The following ENPP2 variants were observed in gnomAD, a reference collection of about 807,000 sequenced individuals.
ENPP2 encodes ectonucleotide pyrophosphatase/phosphodiesterase 2.
Under a neutral mutation model 120.2 loss-of-function variants are expected in ENPP2, and 51 were observed. That is an observed-to-expected ratio of 0.42 (90% CI 0.34 to 0.54). The LOEUF is 0.54. Ranked by LOEUF, ENPP2 falls within the 20% of genes least tolerant of loss-of-function variation. The pLI is 0.04. For synonymous variants in ENPP2, 365 were observed against 366.4 expected (o/e 1.00, Z 0.04); for missense variants, 920 against 1,066.5 (o/e 0.86, Z 1.91).
In ENPP2 at chr8:119,582,427, T is replaced by C. The variant is rs1812811722; in HGVS notation, c.1719A>G (p.Val573=). The change falls in exon 18 of 25, where the codon GTA becomes GTG. Residue 573 remains valine, a synonymous_variant. Coordinates refer to ENST00000075322, the MANE Select transcript of ENPP2 (RefSeq NM_001040092.3). ...TAAAGATTATTTCTACCTTTGGCTC[T>C]ACCTTATCATCACAAGTGCAGCCCA... is the stretch of plus-strand genomic sequence containing the variant. The part of the protein sequence containing the change: ...FDLGCTCDDK[V]EPKNKLDELN... 1.2e-6 allele frequency: 2 copies of C among 1,612,932 alleles called. No individual in the cohort carries two copies.
chr8:119,577,005 C>T (rs573976603), intron 19 of ENPP2, among the ~76,000 whole-genome samples: 68 of 152,216 alleles, frequency 4.5e-4, no homozygotes, highest in African/African-American at 1.5e-3. Context: ...TCTTTTTTAT[C>T]ACAGATATCC....
intron 19 of ENPP2, among the ~76,000 whole-genome samples, chr8:119,574,538 G>T (rs1240060105): frequency 6.6e-6 from 1 of 151,844 alleles, no homozygotes; most frequent in Non-Finnish European, 1.5e-5. Context: ...ACCACACTTG[G>T]CAAAATACTG....
At chr8:119,609,725 A>T (rs1232860094) in intron 8 of ENPP2, among the ~76,000 whole-genome samples, 2 of 152,130 alleles carry the variant, frequency 1.3e-5, no homozygotes, top group Non-Finnish European at 2.9e-5. Flanking sequence ...ACTTATTTTA[A>T]TTGCTTATAC....
intron 11 of ENPP2, 106 bp downstream of exon 11, chr8:119,600,572 T>C: frequency 1.3e-6 from 1 of 742,084 alleles, no homozygotes; most frequent in Non-Finnish European, 2.3e-6. Context: ...ATAAACCTTG[T>C]AGATACAAAC....
intron 15 of ENPP2, among the ~76,000 whole-genome samples, chr8:119,585,324 G>A (rs556662342): frequency 6.6e-6 from 1 of 152,258 alleles, no homozygotes; most frequent in East Asian, 1.9e-4. Flanking sequence ...ATTACAGCAT[G>A]ATATTTATGT....
chr8:119,670,821 A>C (rs1818220917), intron 1 of ENPP2, among the ~76,000 whole-genome samples: 3 of 152,248 alleles, frequency 2.0e-5, no homozygotes, highest in South Asian at 2.1e-4. Flanking sequence ...AAAATGGTAC[A>C]TAAAATGTGG....
At chr8:119,632,846 G>A (rs1050180861) in intron 2 of ENPP2, among the ~76,000 whole-genome samples, 4 of 152,326 alleles carry the variant, frequency 2.6e-5, no homozygotes, top group East Asian at 1.9e-4. Context: ...AAGGTGGGCC[G>A]ATCACCTGAG....
chr8:119,636,280 A>G (rs1207452037), intron 2 of ENPP2, among the ~76,000 whole-genome samples: 2 of 152,330 alleles, frequency 1.3e-5, no homozygotes, highest in Non-Finnish European at 2.9e-5. Flanking sequence ...ACGCATAAAG[A>G]TATTTCCACT....
intron 1 of ENPP2, among the ~76,000 whole-genome samples, chr8:119,656,412 C>T (rs1336207244): frequency 6.6e-6 from 1 of 152,150 alleles, no homozygotes; most frequent in Non-Finnish European, 1.5e-5. Flanking sequence ...CGGCACCCAC[C>T]ACATTCTAAT....
At chr8:119,582,319 TA>T in intron 18 of ENPP2, 98 bp downstream of exon 18, 5 of 903,902 alleles carry the variant, frequency 5.5e-6, no homozygotes, top group Non-Finnish European at 8.6e-6. Flanking sequence ...TTGGACAGCA[TA>T]ATTATAGACC....
intron 19 of ENPP2, among the ~76,000 whole-genome samples, 154 bp downstream of exon 19, chr8:119,579,962 A>C (rs2289885): frequency 0.37 from 56,887 of 152,052 alleles, 11,506 homozygotes; most frequent in African/African-American, 0.49. Context: ...TGGAATAAAC[A>C]AATATCCTTT....
intron 8 of ENPP2, among the ~76,000 whole-genome samples, chr8:119,614,485 G>A (rs570050248): frequency 6.6e-6 from 1 of 152,116 alleles, no homozygotes; most frequent in Admixed American, 6.6e-5. Flanking sequence ...GTCAACTTTG[G>A]GAGTTAGTGA....
chr8:119,654,280 C>A (rs1817706604), intron 1 of ENPP2, among the ~76,000 whole-genome samples: 1 of 137,924 alleles, frequency 7.3e-6, no homozygotes. Context: ...AATACTAATA[C>A]CAATATTATA....
intron 1 of ENPP2, among the ~76,000 whole-genome samples, chr8:119,670,295 T>C (rs930217593): frequency 6.6e-6 from 1 of 152,238 alleles, no homozygotes; most frequent in African/African-American, 2.4e-5. Context: ...AAGCCTTCCA[T>C]TGCTAAATAA....
intron 22 of ENPP2, among the ~76,000 whole-genome samples, chr8:119,567,709 G>A (rs1442718589): frequency 6.6e-6 from 1 of 152,218 alleles, no homozygotes; most frequent in African/African-American, 2.4e-5. Flanking sequence ...AGGAAGAGGT[G>A]CTACTGGCTT....
chr8:119,608,796 T>A (rs60512510), intron 8 of ENPP2, among the ~76,000 whole-genome samples: 187 of 152,364 alleles, frequency 1.2e-3, no homozygotes, highest in African/African-American at 4.4e-3. Flanking sequence ...TAAGCTTTAA[T>A]GAGTTAATAC....
intron 1 of ENPP2, among the ~76,000 whole-genome samples, chr8:119,667,000 G>C (rs1818092341): frequency 1.3e-5 from 2 of 151,968 alleles, no homozygotes; most frequent in Admixed American, 6.6e-5. Context: ...AGAATGTCAG[G>C]GGTCGAGGTA....
At chr8:119,597,941 C>T (rs778280245) in intron 11 of ENPP2, among the ~76,000 whole-genome samples, 1 of 152,140 alleles carries the variant, frequency 6.6e-6, no homozygotes, top group African/African-American at 2.4e-5. Flanking sequence ...TAGTTAAAAT[C>T]ATTTCAATGA....
intron 2 of ENPP2, among the ~76,000 whole-genome samples, chr8:119,633,943 G>T (rs1816837734): frequency 6.6e-6 from 1 of 151,028 alleles, no homozygotes. Flanking sequence ...AGCAATTTGG[G>T]AGGCTGAGGC....
Sources: allele counts gnomAD v4.1 joint callset (sites outside exome capture counted in the v4.1 genomes callset), GRCh38; gene constraint gnomAD v4.1.1; transcripts MANE v1.5; gene names NCBI Gene and HGNC (gene_info 2026-07-23, HGNC 2026-07-21).